The following RTTN variants were observed in gnomAD, a reference collection of about 807,000 sequenced individuals.
RTTN encodes rotatin.
RTTN carries 182 observed loss-of-function variants against 269.2 expected under a neutral mutation model. The observed-to-expected ratio is 0.68, with a 90% CI of 0.60 to 0.76. The LOEUF (loss-of-function observed/expected upper bound fraction) is 0.76. RTTN is among the 30% of genes least tolerant of loss of function. The pLI is 0.00. For synonymous variants in RTTN, 1,006 were observed against 963.5 expected (o/e 1.04, Z -0.82); for missense variants, 2,545 against 2,608.6 (o/e 0.98, Z 0.53).
chr18:70,200,446 T>C (rs899859523), intron 4 of RTTN, among the ~76,000 whole-genome samples: 1 of 152,282 alleles, frequency 6.6e-6, no homozygotes, highest in African/African-American at 2.4e-5. Flanking sequence ...CAGACACCCA[T>C]CCTTTACCAA....
intron 14 of RTTN, among the ~76,000 whole-genome samples, chr18:70,151,665 C>G (rs538298208): frequency 1.3e-5 from 2 of 152,246 alleles, no homozygotes; most frequent in South Asian, 4.1e-4. Flanking sequence ...AGATCTAAAG[C>G]CTCAGCCCTA....
chr18:70,150,411 G>C (rs762108934), intron 15 of RTTN, among the ~76,000 whole-genome samples, 197 bp downstream of exon 15: 4 of 152,072 alleles, frequency 2.6e-5, no homozygotes, highest in Admixed American at 2.6e-4. Context: ...TTGAAATCAA[G>C]TGTGTCCTGT....
At chr18:70,127,341 A>T (rs997727409) in intron 25 of RTTN, among the ~76,000 whole-genome samples, 161 bp downstream of exon 25, 1 of 152,152 alleles carries the variant, frequency 6.6e-6, no homozygotes, top group African/African-American at 2.4e-5. Flanking sequence ...TAAATTAAAA[A>T]TTTCTCTTTG....
chr18:70,065,389 T>G (rs1236747415), intron 35 of RTTN, among the ~76,000 whole-genome samples: 2 of 151,996 alleles, frequency 1.3e-5, no homozygotes, highest in Admixed American at 6.6e-5. Flanking sequence ...CCAAGTTGTA[T>G]ATTGTGCATT....
intron 21 of RTTN, among the ~76,000 whole-genome samples, chr18:70,137,233 T>C (rs1227649932): frequency 6.6e-6 from 1 of 152,182 alleles, no homozygotes; most frequent in Non-Finnish European, 1.5e-5. Context: ...TCTCTCTCAG[T>C]AGCAAAGTAA....
chr18:70,188,204 TATTATC>T lies in RTTN; in HGVS notation c.1203_1208del (p.Ile402_Ile403del). ...CCTCTGTAAGCAATTCCAGAACTCT[TATTATC>T]ACTTGTCTGCTACCTAGGAATACAA... On this transcript the variant is annotated inframe_deletion, in exon 10 of 49. Transcript: ENST00000640769. 1 of 1,601,228 alleles carries T rather than the reference TATTATC, an allele frequency of 6.2e-7. No individual in the cohort carries two copies. Among genetic ancestry groups the T allele is most frequent in the Non-Finnish European group, 8.6e-7 (1 of 1,169,576 alleles).
At chr18:70,066,768 C>A (rs1219664784) in intron 34 of RTTN, among the ~76,000 whole-genome samples, 4 of 152,106 alleles carry the variant, frequency 2.6e-5, no homozygotes, top group Non-Finnish European at 5.9e-5. Context: ...AGTATTTGTA[C>A]ATTGATTGTG....
At position 70,030,928 on chromosome 18, in the gene RTTN, T is replaced by C. The variant is rs1461115794; in HGVS notation, c.5595A>G (p.Ala1865=). Residue 1865 remains alanine, a synonymous_variant, in exon 41 of 49, where the codon GCA becomes GCG. Transcript: ENST00000640769. ...KDILKRVAAN[A]LMSLLAVSRR... is the part of the protein sequence containing the mutation. Reference sequence around the variant, plus strand: ...TACTGACAGCCAGCAGTGACATCAATGCATTTGCAGCTACTCTTTTCAGGA... The same window carrying C: ...TACTGACAGCCAGCAGTGACATCAACGCATTTGCAGCTACTCTTTTCAGGA... 2 of 1,613,796 alleles carry C rather than the reference T, an allele frequency of 1.2e-6. No homozygotes were observed. The highest frequency in any genetic ancestry group is 1.7e-6 in the Non-Finnish European group (2 of 1,179,910).
chr18:70,040,499 C>G (rs1021762871), intron 40 of RTTN, among the ~76,000 whole-genome samples: 1 of 152,048 alleles, frequency 6.6e-6, no homozygotes, highest in Non-Finnish European at 1.5e-5. Context: ...AAAGAGAGAG[C>G]GAGATCTCAA....
chr18:70,096,938 A>G (rs953042412), intron 28 of RTTN, among the ~76,000 whole-genome samples: 2 of 152,158 alleles, frequency 1.3e-5, no homozygotes, highest in Non-Finnish European at 2.9e-5. Flanking sequence ...ATTTTAAGTG[A>G]CTACTTGAAA....
intron 25 of RTTN, among the ~76,000 whole-genome samples, chr18:70,126,120 A>G (rs984476680): frequency 1.3e-5 from 2 of 152,080 alleles, no homozygotes; most frequent in Admixed American, 1.3e-4. Flanking sequence ...ACCATAAAAA[A>G]TGTGATGCTC....
chr18:70,020,799 C>G lies in RTTN; in HGVS notation c.5969G>C (p.Trp1990Ser), dbSNP rs371810073. The G allele has an allele frequency of 6.2e-7, 1 of 1,612,016 alleles. No homozygotes were observed. Among genetic ancestry groups the G allele is most frequent in the Non-Finnish European group, 8.5e-7 (1 of 1,178,820 alleles). Residue 1990 changes from tryptophan to serine, a missense_variant, in exon 45 of 49, where the codon TGG (tryptophan) becomes TCG (serine). Coordinates refer to ENST00000640769, the MANE Select transcript of RTTN (RefSeq NM_173630.4). The stretch of plus-strand genomic sequence containing the variant: ...AACAGGGTGTTGTCCACAACTTGAC[C>G]AACAAAGAGAACTGCAACCTTCAAA... Reference protein sequence around the residue: ...NFPNGCSSLCWSSCGQHPVQA... With the variant: ...NFPNGCSSLCSSSCGQHPVQA...
At chr18:70,192,529 G>C (rs554622369) in intron 8 of RTTN, among the ~76,000 whole-genome samples, 1 of 152,006 alleles carries the variant, frequency 6.6e-6, no homozygotes, top group South Asian at 2.1e-4. Flanking sequence ...AAAAATAAAA[G>C]GCTTAGCCAA....
chr18:70,183,962 C>A (rs1164187739), intron 10 of RTTN, among the ~76,000 whole-genome samples: 1 of 151,986 alleles, frequency 6.6e-6, no homozygotes, highest in Non-Finnish European at 1.5e-5. Flanking sequence ...GAGACAAGAT[C>A]TTACTTTGTT....
intron 40 of RTTN, among the ~76,000 whole-genome samples, chr18:70,037,997 T>C (rs893820797): frequency 2.3e-5 from 1 of 43,674 alleles, no homozygotes; most frequent in Admixed American, 4.2e-4. Flanking sequence ...GACCGTGGTA[T>C]TGGTGGCCAA....
intron 10 of RTTN, 89 bp downstream of exon 10, chr18:70,188,019 A>C (rs2061585640): frequency 2.8e-6 from 2 of 723,136 alleles, no homozygotes. Flanking sequence ...AAGATTTTGA[A>C]CACGAATGAG....
At chr18:70,063,553 T>G (rs2058049493) in intron 35 of RTTN, among the ~76,000 whole-genome samples, 1 of 152,026 alleles carries the variant, frequency 6.6e-6, no homozygotes, top group African/African-American at 2.4e-5. Context: ...GTGACAGAGC[T>G]AGACCCTGTC....
intron 46 of RTTN, among the ~76,000 whole-genome samples, chr18:70,009,737 C>A (rs888770211): frequency 3.9e-5 from 6 of 152,144 alleles, no homozygotes; most frequent in Non-Finnish European, 5.9e-5. Context: ...ACAATATTAA[C>A]CTTAAATGTA....
rs140803777 is a variant in RTTN at position 70,094,291 on chromosome 18, T to C, written c.3904-1487A>G. Among the ~76,000 whole-genome samples, 145 of 152,278 alleles carry C rather than the reference T, an allele frequency of 9.5e-4. 1 individual carries two copies. In the Middle Eastern group the frequency reaches 0.024, roughly 25 times the overall value. ...TTTTTTGAAGGGTTTTTTGTGTCTC[T>C]TGTCGCCTTCAGTTCTGCTCTGATC... is the stretch of plus-strand genomic sequence containing the variant. On this transcript the variant is annotated intron_variant, in intron 28 of 48. Coordinates refer to ENST00000640769, the MANE Select transcript of RTTN (RefSeq NM_173630.4).
Sources: gnomAD v4.1 joint callset for allele counts (sites outside exome capture counted in the v4.1 genomes callset) on GRCh38, gnomAD v4.1.1 for gene constraint, MANE v1.5 for transcripts, NCBI Gene and HGNC (gene_info 2026-07-23, HGNC 2026-07-21) for gene names.